The following UBE2G1 variants were observed in gnomAD, a reference collection of about 807,000 sequenced individuals.
The protein encoded by UBE2G1 is ubiquitin-conjugating enzyme E2 G1.
In UBE2G1, 5 loss-of-function variants were observed where a neutral mutation model predicts 22.7. The ratio of observed to expected loss-of-function variants is 0.22; its 90% CI spans 0.12 to 0.46. The LOEUF (loss-of-function observed/expected upper bound fraction) is 0.46. UBE2G1 is among the 20% of genes least tolerant of loss of function. The probability of loss-of-function intolerance (pLI) is 0.99; values close to 1 mark genes in which losing one functional copy is unlikely to be tolerated. For missense variants in UBE2G1, 88 were observed against 203.9 expected (o/e 0.43, Z 3.46); for synonymous variants, 74 against 67.5 (o/e 1.10, Z -0.47).
At chr17:4,350,442 G>C (rs950410887) in intron 1 of UBE2G1, among the ~76,000 whole-genome samples, 5 of 152,058 alleles carry the variant, frequency 3.3e-5, no homozygotes, top group Non-Finnish European at 7.4e-5. Context: ...CTGGGCAACA[G>C]AGCAAGACCC....
intron 1 of UBE2G1, among the ~76,000 whole-genome samples, chr17:4,311,031 C>T (rs1392122055): frequency 1.3e-5 from 2 of 151,888 alleles, no homozygotes; most frequent in African/African-American, 4.8e-5. Context: ...GGCAACATGG[C>T]AAACCCCTGT....
At chr17:4,274,132 C>T (rs1968792945) in intron 5 of UBE2G1, among the ~76,000 whole-genome samples, 2 of 151,086 alleles carry the variant, frequency 1.3e-5, no homozygotes, top group Admixed American at 1.3e-4. Context: ...AGGCACCCGC[C>T]ACCACACCCG....
At chr17:4,315,870 G>A (rs1394116132) in intron 1 of UBE2G1, among the ~76,000 whole-genome samples, 6 of 137,022 alleles carry the variant, frequency 4.4e-5, no homozygotes, top group Non-Finnish European at 7.7e-5. Context: ...GCAGTGGCGC[G>A]ATCTCAGCTC....
intron 3 of UBE2G1, among the ~76,000 whole-genome samples, chr17:4,292,106 CG>C (rs1264140897): frequency 6.6e-6 from 1 of 151,922 alleles, no homozygotes; most frequent in Non-Finnish European, 1.5e-5. Flanking sequence ...GAGGCTGAGG[CG>C]GGCGGATCAC....
chr17:4,299,818 C>CT (rs1969153123), intron 2 of UBE2G1, among the ~76,000 whole-genome samples: 1 of 130,802 alleles, frequency 7.6e-6, no homozygotes, highest in Non-Finnish European at 1.6e-5. Context: ...CCCTCTTTTC[C>CT]TTTTTTTAGT....
chr17:4,326,790 T>A (rs951190322), intron 1 of UBE2G1, among the ~76,000 whole-genome samples: 1 of 152,208 alleles, frequency 6.6e-6, no homozygotes, highest in East Asian at 1.9e-4. Flanking sequence ...TTCTACAACA[T>A]GAATGAACTT....
At chr17:4,333,718 G>C (rs1969611385) in intron 1 of UBE2G1, among the ~76,000 whole-genome samples, 1 of 152,026 alleles carries the variant, frequency 6.6e-6, no homozygotes, top group Admixed American at 6.6e-5. Flanking sequence ...CTACTGGGGA[G>C]GCTGAGGCAG....
intron 1 of UBE2G1, among the ~76,000 whole-genome samples, chr17:4,345,260 C>T (rs140916373): frequency 1.3e-5 from 2 of 152,276 alleles, no homozygotes; most frequent in African/African-American, 4.8e-5. Context: ...AACAACTTTT[C>T]TCTGCAATGT....
chr17:4,318,171 T>G (rs1256110499), intron 1 of UBE2G1, among the ~76,000 whole-genome samples: 1 of 152,218 alleles, frequency 6.6e-6, no homozygotes, highest in Non-Finnish European at 1.5e-5. Flanking sequence ...TGACCCAGCT[T>G]AAGGTACAAT....
At chr17:4,356,569 T>C (rs1242858290) in intron 1 of UBE2G1, among the ~76,000 whole-genome samples, 1 of 151,894 alleles carries the variant, frequency 6.6e-6, no homozygotes, top group Non-Finnish European at 1.5e-5. Flanking sequence ...AAGACTGCTA[T>C]TTAAAATTAG....
At chr17:4,307,504 G>A (rs1280692460) in intron 1 of UBE2G1, among the ~76,000 whole-genome samples, 1 of 152,194 alleles carries the variant, frequency 6.6e-6, no homozygotes, top group African/African-American at 2.4e-5. Flanking sequence ...TGTCTTCAGG[G>A]TATACTTTCA....
chr17:4,288,685 C>T (rs1332886616), intron 4 of UBE2G1, among the ~76,000 whole-genome samples: 2 of 152,136 alleles, frequency 1.3e-5, no homozygotes, highest in Non-Finnish European at 2.9e-5. Flanking sequence ...GCCCATTCCA[C>T]CCCCAATTCT....
intron 3 of UBE2G1, among the ~76,000 whole-genome samples, chr17:4,291,001 G>A (rs971681460): frequency 6.6e-6 from 1 of 151,958 alleles, no homozygotes; most frequent in Non-Finnish European, 1.5e-5. Context: ...TATAATTAAG[G>A]TTCCTCTTCC....
At chr17:4,339,273 G>T (rs1307023137) in intron 1 of UBE2G1, among the ~76,000 whole-genome samples, 1 of 151,580 alleles carries the variant, frequency 6.6e-6, no homozygotes, top group Non-Finnish European at 1.5e-5. Context: ...AATTGCTGGA[G>T]CCTCAATGTG....
In UBE2G1 at chr17:4,271,481, A is replaced by G. The variant is rs1197299069; in HGVS notation, c.*1073T>C. On this transcript the variant is annotated 3_prime_UTR_variant, in exon 6 of 6. Coordinates refer to ENST00000396981, the MANE Select transcript of UBE2G1 (RefSeq NM_003342.5). ...AAGAACTCACTACATAAGGTGACAG[A>G]ATTCCAAAATCAAATTACATGAAAA... The G allele has an allele frequency of 6.6e-6, 1 of 152,448 alleles. No homozygotes were observed. Among genetic ancestry groups the G allele is most frequent in the African/African-American group, 2.4e-5 (1 of 41,386 alleles). 9.4% of individuals were successfully genotyped at this position (152,448 alleles called of 1,614,324 possible).
At chr17:4,284,834 CTTTCTTTTTTTTTTTTTT>C (rs1968942061) in intron 4 of UBE2G1, among the ~76,000 whole-genome samples, 4 of 83,492 alleles carry the variant, frequency 4.8e-5, no homozygotes, top group Non-Finnish European at 9.2e-5. Flanking sequence ...CTTTTCTTTT[CTTTCTTTTTTTTTTTTTT>C]TTTTTTTTTG....
intron 1 of UBE2G1, among the ~76,000 whole-genome samples, chr17:4,363,129 A>C (rs1419117355): frequency 6.6e-6 from 1 of 152,178 alleles, no homozygotes; most frequent in African/African-American, 2.4e-5. Context: ...TCAAAAATAA[A>C]ATAAAACAAG....
intron 1 of UBE2G1, among the ~76,000 whole-genome samples, chr17:4,315,775 C>CA (rs1384532875): frequency 1.5e-4 from 21 of 137,810 alleles, no homozygotes; most frequent in East Asian, 4.4e-4. Context: ...AACAAACAAA[C>CA]AAAAAAACAG....
At chr17:4,350,600 C>T (rs146938075) in intron 1 of UBE2G1, among the ~76,000 whole-genome samples, 293 of 152,268 alleles carry the variant, frequency 1.9e-3, no homozygotes, top group African/African-American at 6.7e-3. Context: ...TAAAAATGTG[C>T]ACCCAGCAAC....
Sources: gnomAD v4.1 joint callset for allele counts (sites outside exome capture counted in the v4.1 genomes callset) on GRCh38, gnomAD v4.1.1 for gene constraint, MANE v1.5 for transcripts, NCBI Gene and HGNC (gene_info 2026-07-23, HGNC 2026-07-21) for gene names.